The following RNF17 variants were observed in gnomAD, a reference collection of about 807,000 sequenced individuals.
RNF17 encodes spermatogenesis associated 23.
In RNF17, 31 loss-of-function variants were observed where a neutral mutation model predicts 200.5. The ratio of observed to expected loss-of-function variants is 0.15; its 90% CI spans 0.12 to 0.21. The LOEUF is 0.21. Ranked by LOEUF, RNF17 falls within the 10% of genes least tolerant of loss-of-function variation. The pLI, the probability that RNF17 is intolerant of heterozygous loss-of-function variation, is 1.00. For missense variants in RNF17, 1,628 were observed against 1,905.1 expected (o/e 0.85, Z 2.71); for synonymous variants, 606 against 637.8 (o/e 0.95, Z 0.75).
Position 24,871,958 on chromosome 13 carries a change from CTT to C in RNF17, c.4447+1244_4447+1245del, listed in dbSNP as rs60797153. 1.7e-3 allele frequency among the ~76,000 whole-genome samples: 120 copies of C among 71,728 alleles called. 3 individuals are homozygous for C. The East Asian group carries it at 0.048, about 29-fold the overall frequency. 47.1% of individuals were successfully genotyped at this position (71,728 alleles called of 152,430 possible). ...GATGAGATTCTTGTTTTATTGATGA[CTT>C]TTTTTTTTTTTTTTTTTTTTTTTTG... On this transcript the variant is annotated intron_variant, in intron 32 of 35. Transcript: ENST00000255324.
At chr13:24,831,759 A>T in intron 17 of RNF17, 99 bp from the exon 18 acceptor site, 1 of 1,030,300 alleles carries the variant, frequency 9.7e-7, no homozygotes, top group Non-Finnish European at 1.4e-6. Flanking sequence ...ATGAAATTCA[A>T]ACATAAAGAT....
intron 13 of RNF17, among the ~76,000 whole-genome samples, chr13:24,801,903 A>C (rs571713295): frequency 2.6e-5 from 4 of 152,332 alleles, no homozygotes; most frequent in African/African-American, 9.6e-5. Flanking sequence ...GAATATATTT[A>C]TAAAGTGAAG....
At chr13:24,825,498 AG>A in intron 15 of RNF17, 120 bp from the exon 16 acceptor site, 1 of 701,276 alleles carries the variant, frequency 1.4e-6, no homozygotes, top group Non-Finnish European at 2.3e-6. Context: ...CACAATTGAT[AG>A]ATTTACATTC....
At chr13:24,807,466 C>A (rs1380189459) in intron 15 of RNF17, among the ~76,000 whole-genome samples, 2 of 152,178 alleles carry the variant, frequency 1.3e-5, no homozygotes, top group Non-Finnish European at 2.9e-5. Flanking sequence ...AGTGTCTGTT[C>A]ATAGCCTTCG....
upstream of RNF17, among the ~76,000 whole-genome samples, chr13:24,761,901 T>C (rs528434120): frequency 6.6e-6 from 1 of 152,170 alleles, no homozygotes; most frequent in Non-Finnish European, 1.5e-5. Context: ...ACATTAAATA[T>C]CCACATTATG....
chr13:24,827,725 A>AAAAAAAAAC, intron 16 of RNF17, among the ~76,000 whole-genome samples: 1 of 148,288 alleles, frequency 6.7e-6, no homozygotes, highest in South Asian at 2.2e-4. Flanking sequence ...AAACAAAAAA[A>AAAAAAAAAC]AAAAAACAAT....
chr13:24,763,753 C>A (rs560582721), upstream of RNF17, among the ~76,000 whole-genome samples: 2 of 152,182 alleles, frequency 1.3e-5, no homozygotes, highest in Admixed American at 6.5e-5. Context: ...TCTACCCCAA[C>A]GATAGCTTCT....
intron 18 of RNF17, among the ~76,000 whole-genome samples, 181 bp downstream of exon 18, chr13:24,832,159 A>G (rs1328802405): frequency 6.6e-6 from 1 of 152,200 alleles, no homozygotes; most frequent in Non-Finnish European, 1.5e-5. Context: ...TCATCAGGAC[A>G]AAAATCACCA....
upstream of RNF17, among the ~76,000 whole-genome samples, chr13:24,763,130 TACC>T (rs148904464): frequency 0.15 from 22,392 of 151,944 alleles, 2,159 homozygotes; most frequent in Admixed American, 0.26. Flanking sequence ...AGAGTTTTCA[TACC>T]ACCGTAGACC....
intron 17 of RNF17, among the ~76,000 whole-genome samples, chr13:24,831,151 A>G (rs953842880): frequency 2.0e-5 from 3 of 152,288 alleles, no homozygotes; most frequent in South Asian, 4.1e-4. Context: ...TTAAAATACA[A>G]ATGAGCAGGT....
intron 30 of RNF17, 126 bp from the exon 31 acceptor site, chr13:24,868,474 A>AG (rs1893898410): frequency 7.5e-6 from 3 of 400,258 alleles, no homozygotes; most frequent in Non-Finnish European, 1.3e-5. Context: ...CGTCTCAAAA[A>AG]AAAAAAAAAA....
chr13:24,758,850 G>A, the RNF17 span, among the ~76,000 whole-genome samples: 1 of 151,994 alleles, frequency 6.6e-6, no homozygotes, highest in Non-Finnish European at 1.5e-5. Context: ...GCCAAGGTGG[G>A]CGGATCACAA....
intron 10 of RNF17, among the ~76,000 whole-genome samples, chr13:24,794,970 T>C (rs1028499682): frequency 6.6e-6 from 1 of 152,160 alleles, no homozygotes; most frequent in African/African-American, 2.4e-5. Flanking sequence ...CCTCCCTCCT[T>C]GGCCTCCCAA....
intron 15 of RNF17, among the ~76,000 whole-genome samples, chr13:24,818,651 G>C (rs1887682065): frequency 6.6e-6 from 1 of 152,010 alleles, no homozygotes; most frequent in Admixed American, 6.6e-5. Context: ...TCTCTTGTAA[G>C]AATTTTTTAT....
intron 15 of RNF17, among the ~76,000 whole-genome samples, chr13:24,812,236 C>T (rs928734923): frequency 6.6e-6 from 1 of 151,528 alleles, no homozygotes; most frequent in African/African-American, 2.4e-5. Context: ...CGCCCCTCCC[C>T]CAGCCTCGCT....
the RNF17 span, chr13:24,885,212 T>C: frequency 9.0e-7 from 1 of 1,106,694 alleles, no homozygotes; most frequent in South Asian, 1.3e-5. Context: ...ATTCTATGTG[T>C]TTCAACTATT....
chr13:24,808,163 T>G (rs1886129838), intron 15 of RNF17, among the ~76,000 whole-genome samples: 1 of 151,304 alleles, frequency 6.6e-6, no homozygotes, highest in African/African-American at 2.4e-5. Flanking sequence ...TTTAAAGTAG[T>G]TTTTTCCAAT....
intron 7 of RNF17, 104 bp from the exon 8 acceptor site, chr13:24,789,244 A>G (rs1883529472): frequency 5.3e-6 from 4 of 759,502 alleles, no homozygotes; most frequent in South Asian, 1.9e-5. Context: ...GAATGCAATA[A>G]TTAATGAAAT....
chr13:24,882,904 AAC>A (rs1953902780), downstream of RNF17: 1 of 439,720 alleles, frequency 2.3e-6, no homozygotes, highest in African/African-American at 2.0e-5. Context: ...CTAACCAATA[AAC>A]ACACCCACTT....
Sources: gnomAD v4.1 joint callset for allele counts (sites outside exome capture counted in the v4.1 genomes callset) on GRCh38, gnomAD v4.1.1 for gene constraint, MANE v1.5 for transcripts, NCBI Gene and HGNC (gene_info 2026-07-23, HGNC 2026-07-21) for gene names.